Variants in CBLL1 observed in about 807,000 individuals in gnomAD.
CBLL1 encodes the protein E3 ubiquitin-protein ligase Hakai.
A neutral mutation model predicts 44.9 loss-of-function variants in CBLL1; 4 were observed. The ratio of observed to expected loss-of-function variants is 0.09; its 90% CI spans 0.04 to 0.20. CBLL1 has a LOEUF of 0.20. Among genes scored for constraint, CBLL1 ranks in the 10% least tolerant of loss-of-function variants. The pLI is 1.00. For synonymous variants in CBLL1, 235 were observed against 202.2 expected (o/e 1.16, Z -1.38); for missense variants, 569 against 636.7 (o/e 0.89, Z 1.14).
rs1177609474 is a variant in CBLL1, at chr7:107,758,934, A to G, written c.1232A>G (p.His411Arg). 1 of 1,613,112 alleles carries G rather than the reference A, an allele frequency of 6.2e-7. No homozygotes were observed. Among genetic ancestry groups the G allele is most frequent in the East Asian group, 2.2e-5 (1 of 44,846 alleles). Residue 411 changes from histidine to arginine, a missense_variant, in exon 6 of 6, where the codon CAT becomes CGT. By Grantham distance (29) the His-to-Arg change is conservative (BLOSUM62 0). Transcript: ENST00000440859. This position sits in a 1 kb window ranked among gnomAD's most constrained non-coding sequence, Gnocchi z 4.2. ...CCTCCAGGACCTCCCCCACCTCAACATGGTGGTCCACCTGTAACTGCACCC... is the reference window on the plus strand; with the variant it reads ...CCTCCAGGACCTCCCCCACCTCAACGTGGTGGTCCACCTGTAACTGCACCC... ...HPPPGPPPPQ[H>R]GGPPVTAPPP... is the part of the protein sequence containing the mutation.
chr7:107,755,203 G>C (rs1793474832), intron 4 of CBLL1, among the ~76,000 whole-genome samples: 1 of 152,122 alleles, frequency 6.6e-6, no homozygotes, highest in African/African-American at 2.4e-5. Flanking sequence ...AAATGCATGT[G>C]TGTACATTTA....
intron 1 of CBLL1, among the ~76,000 whole-genome samples, chr7:107,745,336 A>G (rs760159453): frequency 1.1e-4 from 17 of 152,292 alleles, no homozygotes; most frequent in South Asian, 4.1e-4. Flanking sequence ...GATGAGAAGA[A>G]CCCAGCCCTG....
At chr7:107,749,912 A>G (rs563053142) in intron 2 of CBLL1, among the ~76,000 whole-genome samples, 5 of 150,222 alleles carry the variant, frequency 3.3e-5, no homozygotes, top group Admixed American at 6.7e-5. Context: ...GTTATATGTT[A>G]TGTATGTGCG....
chr7:107,744,392 A>G (rs1226052868), intron 1 of CBLL1: 4 of 530,804 alleles, frequency 7.5e-6, no homozygotes, highest in Non-Finnish European at 1.3e-5. Context: ...GCCGGCAACA[A>G]CCGCTCCTAC....
At chr7:107,755,958 A>G (rs1031732142) in intron 5 of CBLL1, among the ~76,000 whole-genome samples, 7 of 152,160 alleles carry the variant, frequency 4.6e-5, no homozygotes, top group Admixed American at 4.6e-4. Context: ...TATATATAAC[A>G]TATGTACACA....
rs769475998 is a variant in CBLL1, at chr7:107,758,129, C to T, written c.441-14C>T. ...CTCTTTTAGTAAATCACATTTCTTT[C>T]CCTTCTAATTTAGCTGTAGTGATCC... On this transcript the variant is annotated splice_polypyrimidine_tract_variant and intron_variant, in intron 5 of 5. Coordinates refer to ENST00000440859, the MANE Select transcript of CBLL1 (RefSeq NM_024814.4). This position sits in a 1 kb window ranked among gnomAD's most constrained non-coding sequence, Gnocchi z 4.2. 2.1e-5 allele frequency: 33 copies of T among 1,547,040 alleles called. No individual in the cohort carries two copies. Among genetic ancestry groups the T allele is most frequent in the Middle Eastern group, 3.5e-4 (2 of 5,752 alleles).
chr7:107,748,517 C>G (rs951555945), intron 1 of CBLL1, among the ~76,000 whole-genome samples: 1 of 151,996 alleles, frequency 6.6e-6, no homozygotes, highest in African/African-American at 2.4e-5. Flanking sequence ...CCTTCTTACT[C>G]TTTTTCTTTT....
chr7:107,749,050 A>G lies in CBLL1; in HGVS notation c.181+3A>G. ...AAAGGCTCCACCTGGTGATGAAGGT[A>G]ATTTGTTTAACTAATAGGTCCAACA... On this transcript the variant is annotated splice_donor_region_variant and intron_variant, in intron 2 of 5. Coordinates refer to ENST00000440859, the MANE Select transcript of CBLL1 (RefSeq NM_024814.4). 1 of 1,613,680 alleles carries G rather than the reference A, an allele frequency of 6.2e-7. No individual in the cohort carries two copies. The highest frequency in any genetic ancestry group is 1.1e-5 in the South Asian group (1 of 91,010).
chr7:107,745,759 A>G (rs932457370), intron 1 of CBLL1, among the ~76,000 whole-genome samples: 1 of 152,098 alleles, frequency 6.6e-6, no homozygotes, highest in African/African-American at 2.4e-5. Flanking sequence ...GAAAGGAGAA[A>G]TGCCTAGGCT....
intron 2 of CBLL1, chr7:107,752,646 C>G: frequency 3.4e-6 from 4 of 1,160,172 alleles, no homozygotes; most frequent in Non-Finnish European, 4.5e-6. Flanking sequence ...GAATTCCCAT[C>G]AGACTGTTGA....
intron 1 of CBLL1, among the ~76,000 whole-genome samples, chr7:107,748,088 C>T (rs1793098603): frequency 6.6e-6 from 1 of 151,958 alleles, no homozygotes; most frequent in South Asian, 2.1e-4. Context: ...TGAAATAATA[C>T]TCCTGTTACT....
chr7:107,752,442 CTCTCTG>C (rs926210386), intron 2 of CBLL1: 6 of 421,448 alleles, frequency 1.4e-5, no homozygotes, highest in South Asian at 6.0e-5. Context: ...GTGAATGTGT[CTCTCTG>C]TGTGTGTGTG....
chr7:107,745,910 G>T (rs1364320496), intron 1 of CBLL1, among the ~76,000 whole-genome samples: 4 of 152,192 alleles, frequency 2.6e-5, no homozygotes, highest in African/African-American at 9.7e-5. Context: ...TAACTACTGA[G>T]ACACAGGAGA....
chr7:107,753,813 A>T (rs1793413879), intron 3 of CBLL1, 82 bp from the exon 4 acceptor site: 13 of 851,666 alleles, frequency 1.5e-5, no homozygotes, highest in Non-Finnish European at 1.7e-5. Context: ...AACAACTTTT[A>T]TAAAATATTG....
At position 107,753,928 on chromosome 7, in the gene CBLL1, G is replaced by C; in HGVS notation, c.316G>C (p.Val106Leu). The C allele has an allele frequency of 6.3e-7, 1 of 1,596,428 alleles. No homozygotes were observed. Among genetic ancestry groups the C allele is most frequent in the African/African-American group, 1.3e-5 (1 of 74,226 alleles). ...CTTAGGTGAAAAGGATGATACACCA[G>C]TTCATTTCTGTGACAAGTGTGGATT... is the stretch of plus-strand genomic sequence containing the variant. Reference protein sequence around the residue: ...NILGEKDDTPVHFCDKCGLPI... With the variant: ...NILGEKDDTPLHFCDKCGLPI... Residue 106 changes from valine (V) to leucine (L), a missense_variant, in exon 4 of 6, where the codon GTT (valine) becomes CTT (leucine). Val to Leu is a conservative substitution (Grantham distance 32). This residue lies in a region of CBLL1 where 209 missense variants were observed against 202.8 expected (regional missense o/e 1.03). Transcript: ENST00000440859.
In CBLL1 at chr7:107,757,251, T is replaced by C. The variant is rs148965808; in HGVS notation, c.441-892T>C. Among the ~76,000 whole-genome samples the C allele has an allele frequency of 4.5e-3, 689 of 152,318 alleles. 3 individuals carry two copies. Among genetic ancestry groups the C allele is most frequent in the African/African-American group, 0.015 (640 of 41,570 alleles). On this transcript the variant is annotated intron_variant, in intron 5 of 5. Coordinates refer to ENST00000440859, the MANE Select transcript of CBLL1 (RefSeq NM_024814.4). ...GTCACTTTCATTGTTTCATTTGATA[T>C]TAATATTCTTTTAGGTAATATGAAA...
chr7:107,748,756 A>G (rs1793126476), intron 1 of CBLL1, 124 bp from the exon 2 acceptor site: 2 of 742,896 alleles, frequency 2.7e-6, no homozygotes, highest in South Asian at 2.5e-5. Context: ...TTAATGTAAT[A>G]TTGAAAATCA....
At chr7:107,748,701 TTGC>T (rs1318352235) in intron 1 of CBLL1, among the ~76,000 whole-genome samples, 176 bp from the exon 2 acceptor site, 3 of 152,224 alleles carry the variant, frequency 2.0e-5, no homozygotes, top group African/African-American at 7.2e-5. Context: ...TTAAAAAGCA[TTGC>T]CTTAAGTGTT....
chr7:107,744,313 C>T, intron 1 of CBLL1, 137 bp downstream of exon 1: 2 of 1,086,712 alleles, frequency 1.8e-6, no homozygotes, highest in Non-Finnish European at 2.5e-6. Flanking sequence ...CTCACAGATG[C>T]CTTCCTGTGC....
Sources: allele counts gnomAD v4.1 joint callset (sites outside exome capture counted in the v4.1 genomes callset), GRCh38; gene constraint gnomAD v4.1.1; regional missense constraint gnomAD v4.1.1; non-coding constraint Gnocchi (gnomAD v3.1); transcripts MANE v1.5; gene names NCBI Gene and HGNC (gene_info 2026-07-23, HGNC 2026-07-21).